The following PPP3R1 variants were observed in gnomAD, a reference collection of about 807,000 sequenced individuals.
PPP3R1 encodes calcineurin subunit B type 1.
In PPP3R1, 5 loss-of-function variants were observed where a neutral mutation model predicts 22.6. That is an observed-to-expected ratio of 0.22 (90% CI 0.12 to 0.46). PPP3R1 has a LOEUF of 0.46. PPP3R1 is among the 20% of genes least tolerant of loss of function. The pLI is 0.99. For synonymous variants in PPP3R1, 56 were observed against 65.2 expected (o/e 0.86, Z 0.68); for missense variants, 61 against 203.2 (o/e 0.30, Z 4.25).
In PPP3R1 at chr2:68,202,432, TG is replaced by T. The variant is rs1675000745; in HGVS notation, c.44-13743del. On this transcript the variant is annotated intron_variant, in intron 2 of 5. Coordinates refer to ENST00000234310, the MANE Select transcript of PPP3R1 (RefSeq NM_000945.4). Reference sequence around the variant, plus strand: ...TTGTTGTTGTTGTTGTTGTTGTTGTTGTTGTTTTTTGAGATGGAGTCTCGCT... The same window carrying T: ...TTGTTGTTGTTGTTGTTGTTGTTGTTTTGTTTTTTGAGATGGAGTCTCGCT... Among the ~76,000 whole-genome samples the T allele has an allele frequency of 2.1e-5, 3 of 144,812 alleles. No individual in the cohort carries two copies. In the South Asian group the frequency reaches 6.4e-4, roughly 31 times the overall value.
In PPP3R1 at chr2:68,188,435, T is replaced by G. The variant is rs116495158; in HGVS notation, c.220+79A>C. On this transcript the variant is annotated intron_variant, in intron 3 of 5. Coordinates refer to ENST00000234310, the MANE Select transcript of PPP3R1 (RefSeq NM_000945.4). ...AGGTCACTAGGAATATAAGCACTTT[T>G]TTTTTTTTTTTACACAGAGCTGTAA... The G allele has an allele frequency of 2.7e-3, 3,193 of 1,171,858 alleles. 58 individuals are homozygous for G. In the African/African-American group the frequency reaches 0.046, roughly 17 times the overall value. The allele number at this position is 1,171,858 out of a possible 1,614,324, so 72.6% of individuals were successfully genotyped here.
At chr2:68,217,825 G>A (rs1054252892) in intron 1 of PPP3R1, among the ~76,000 whole-genome samples, 1 of 151,996 alleles carries the variant, frequency 6.6e-6, no homozygotes, top group Non-Finnish European at 1.5e-5. Flanking sequence ...AGGATTTTAT[G>A]TGAAATATAT....
intron 2 of PPP3R1, among the ~76,000 whole-genome samples, chr2:68,208,387 T>C (rs906649434): frequency 6.6e-6 from 1 of 152,204 alleles, no homozygotes; most frequent in African/African-American, 2.4e-5. Flanking sequence ...TTGTTGACCA[T>C]ACGGTCTCTG....
intron 1 of PPP3R1, among the ~76,000 whole-genome samples, chr2:68,238,574 T>C (rs936274626): frequency 2.0e-5 from 3 of 152,184 alleles, no homozygotes; most frequent in African/African-American, 7.2e-5. Context: ...CTCAAAGACG[T>C]AGCCTTGACT....
chr2:68,233,639 T>C (rs901554684), intron 1 of PPP3R1, among the ~76,000 whole-genome samples: 2 of 152,184 alleles, frequency 1.3e-5, no homozygotes, highest in South Asian at 4.1e-4. Flanking sequence ...CGCAGTAATT[T>C]TTTTTTTAAG....
In PPP3R1 at chr2:68,252,258, G is replaced by T; in HGVS notation, c.-131C>A. ...TCGCCGGCGGGGAGGGGGCGCGCGT[G>T]GGGGAGGGGAGGCGGCGCCGCGGGG... On this transcript the variant is annotated 5_prime_UTR_variant, in exon 1 of 6. Coordinates refer to ENST00000234310, the MANE Select transcript of PPP3R1 (RefSeq NM_000945.4). The T allele has an allele frequency of 9.3e-7, 1 of 1,069,700 alleles. No homozygotes were observed. Among genetic ancestry groups the T allele is most frequent in the Non-Finnish European group, 1.1e-6 (1 of 884,796 alleles). The allele number at this position is 1,069,700 out of a possible 1,614,324, so 66.3% of individuals were successfully genotyped here. A position where few individuals can be genotyped will look rare whatever the true frequency, so the allele number is the denominator to read the frequency against.
intron 5 of PPP3R1, among the ~76,000 whole-genome samples, chr2:68,183,725 ATC>A (rs1674471157): frequency 6.6e-6 from 1 of 152,132 alleles, no homozygotes; most frequent in Admixed American, 6.6e-5. Context: ...GTCTTGTCTA[ATC>A]TGTTTGTTTT....
intron 1 of PPP3R1, among the ~76,000 whole-genome samples, chr2:68,246,930 C>G (rs1670247301): frequency 6.6e-6 from 1 of 152,144 alleles, no homozygotes; most frequent in African/African-American, 2.4e-5. Context: ...GCCATAATCA[C>G]CTAGATAACC....
At chr2:68,211,697 G>A (rs2861815) in intron 2 of PPP3R1, among the ~76,000 whole-genome samples, 113,427 of 152,182 alleles carry the variant, frequency 0.75, 43,334 homozygotes, top group African/African-American at 0.93. Flanking sequence ...AAACCCTGCT[G>A]CTGCTTTATC....
At chr2:68,201,689 A>C (rs1442124347) in intron 2 of PPP3R1, among the ~76,000 whole-genome samples, 1 of 152,190 alleles carries the variant, frequency 6.6e-6, no homozygotes. Flanking sequence ...CGTTTAAGTT[A>C]ACCTTCCCAA....
chr2:68,190,422 G>A (rs1259678782), intron 2 of PPP3R1, among the ~76,000 whole-genome samples: 2 of 152,088 alleles, frequency 1.3e-5, no homozygotes, highest in East Asian at 1.9e-4. Context: ...AAAATTAGCC[G>A]GGAGTGATGG....
At chr2:68,199,031 T>G (rs1674900350) in intron 2 of PPP3R1, among the ~76,000 whole-genome samples, 1 of 152,190 alleles carries the variant, frequency 6.6e-6, no homozygotes, top group Non-Finnish European at 1.5e-5. Flanking sequence ...TGGCACGATC[T>G]TGGCTCACTG....
chr2:68,218,432 ATT>A (rs1278432973), intron 1 of PPP3R1, among the ~76,000 whole-genome samples: 1 of 152,136 alleles, frequency 6.6e-6, no homozygotes, highest in Admixed American at 6.6e-5. Context: ...TTAATTTAAT[ATT>A]AGGTCACTTT....
intron 2 of PPP3R1, among the ~76,000 whole-genome samples, chr2:68,192,851 T>C (rs1001491612): frequency 2.6e-5 from 4 of 152,158 alleles, no homozygotes; most frequent in Non-Finnish European, 4.4e-5. Context: ...CCCCATTTCC[T>C]TTTCTTTGGC....
intron 5 of PPP3R1, 25 bp from the exon 6 acceptor site, chr2:68,181,035 G>C: frequency 1.2e-6 from 2 of 1,604,332 alleles, no homozygotes; most frequent in Non-Finnish European, 1.7e-6. Flanking sequence ...AACAAATCAA[G>C]CTTCACAGTG....
intron 2 of PPP3R1, among the ~76,000 whole-genome samples, chr2:68,208,919 AAAAAAAAATTTTTTTTTTTAATTT>A (rs1321354575): frequency 1.4e-5 from 1 of 71,872 alleles, no homozygotes; most frequent in Non-Finnish European, 2.4e-5. Context: ...CAAGACTCTA[AAAAAAAAATTTTTTTTTTTAATTT>A]AAAAAAAATC....
intron 1 of PPP3R1, among the ~76,000 whole-genome samples, chr2:68,217,816 G>C (rs1237350931): frequency 6.6e-6 from 1 of 151,894 alleles, no homozygotes. Flanking sequence ...TTCTATACTA[G>C]GATTTTATGT....
intron 5 of PPP3R1, among the ~76,000 whole-genome samples, chr2:68,181,324 T>TG (rs1405299726): frequency 1.3e-5 from 2 of 148,542 alleles, no homozygotes; most frequent in Non-Finnish European, 3.0e-5. Context: ...ACCCGGGAGT[T>TG]GGAGGCTGCA....
intron 5 of PPP3R1, among the ~76,000 whole-genome samples, chr2:68,182,576 G>A (rs1020547741): frequency 4.0e-5 from 6 of 151,474 alleles, no homozygotes; most frequent in African/African-American, 7.3e-5. Flanking sequence ...AGCACTTTGG[G>A]AGGCTGAGGT....
Sources: allele counts gnomAD v4.1 joint callset (sites outside exome capture counted in the v4.1 genomes callset), GRCh38; gene constraint gnomAD v4.1.1; transcripts MANE v1.5; gene names NCBI Gene and HGNC (gene_info 2026-07-23, HGNC 2026-07-21).